BCAR3: variants seen among roughly 807,000 people sequenced by gnomAD.
The protein encoded by BCAR3 is BCAR3 adaptor protein, NSP family member, also known as breast cancer anti-estrogen resistance protein 3.
In BCAR3, 37 loss-of-function variants were observed where a neutral mutation model predicts 80.1. The ratio of observed to expected loss-of-function variants is 0.46; its 90% confidence interval spans 0.36 to 0.61. BCAR3 has a LOEUF of 0.61. Ranked by LOEUF, BCAR3 falls within the 20% of genes least tolerant of loss-of-function variation. The pLI is 0.00. For missense variants in BCAR3, 978 were observed against 1,068.2 expected (o/e 0.92, Z 1.18); for synonymous variants, 389 against 418.9 (o/e 0.93, Z 0.87).
chr1:93,724,748 C>T (rs114074432), intron 2 of BCAR3, among the ~76,000 whole-genome samples: 2,210 of 152,258 alleles, frequency 0.015, 27 homozygotes, highest in South Asian at 0.05. Context: ...GAGAAGATGG[C>T]GGGAAGCCGA....
chr1:93,566,148 G>A (rs1672942416), intron 11 of BCAR3, among the ~76,000 whole-genome samples: 1 of 152,138 alleles, frequency 6.6e-6, no homozygotes. Context: ...CTGTAGCCTA[G>A]TTGGCCATTC....
intron 3 of BCAR3, among the ~76,000 whole-genome samples, chr1:93,619,977 A>C (rs1257427357): frequency 1.3e-5 from 2 of 152,238 alleles, no homozygotes; most frequent in African/African-American, 4.8e-5. Flanking sequence ...AGTTATTGTA[A>C]GCATCAAGTG....
intron 11 of BCAR3, among the ~76,000 whole-genome samples, chr1:93,565,615 A>G (rs17110076): frequency 0.029 from 4,347 of 152,324 alleles, 84 homozygotes; most frequent in African/African-American, 0.051. Context: ...CTTATGCAAC[A>G]TCCATGGTAA....
intron 2 of BCAR3, among the ~76,000 whole-genome samples, chr1:93,746,919 A>G (rs1651377283): frequency 6.6e-6 from 1 of 150,610 alleles, no homozygotes; most frequent in South Asian, 2.1e-4. Flanking sequence ...CAACACTCCT[A>G]CTCTTCTCAA....
intron 2 of BCAR3, among the ~76,000 whole-genome samples, chr1:93,838,484 C>G (rs946895320): frequency 3.3e-5 from 5 of 152,202 alleles, no homozygotes; most frequent in Admixed American, 6.5e-5. Flanking sequence ...CCCACTAGGT[C>G]TGACCTCCAA....
At chr1:93,620,282 A>C (rs1675269027) in intron 3 of BCAR3, among the ~76,000 whole-genome samples, 1 of 152,212 alleles carries the variant, frequency 6.6e-6, no homozygotes, top group African/African-American at 2.4e-5. Flanking sequence ...TATGTTACTC[A>C]TTAAATTCTA....
At chr1:93,770,147 A>G (rs868310049) in intron 2 of BCAR3, among the ~76,000 whole-genome samples, 3 of 152,196 alleles carry the variant, frequency 2.0e-5, no homozygotes, top group Non-Finnish European at 2.9e-5. Flanking sequence ...CCCAGGCTCC[A>G]CTGGAGATCA....
intron 11 of BCAR3, among the ~76,000 whole-genome samples, chr1:93,565,226 C>T (rs536132048): frequency 3.9e-5 from 6 of 152,178 alleles, no homozygotes; most frequent in Non-Finnish European, 5.9e-5. Context: ...CAAAATTCCC[C>T]GGCTAATTTT....
At chr1:93,593,360 A>G (rs544359279) in intron 3 of BCAR3, among the ~76,000 whole-genome samples, 2 of 152,048 alleles carry the variant, frequency 1.3e-5, no homozygotes, top group South Asian at 2.1e-4. Flanking sequence ...AAAAATGTTT[A>G]TTTATTTTAT....
At chr1:93,781,880 T>C (rs1652773255) in intron 2 of BCAR3, among the ~76,000 whole-genome samples, 1 of 152,214 alleles carries the variant, frequency 6.6e-6, no homozygotes, top group African/African-American at 2.4e-5. Context: ...GAATCATATC[T>C]CTTCAACTTT....
intron 2 of BCAR3, among the ~76,000 whole-genome samples, chr1:93,780,255 C>T (rs1489396992): frequency 6.6e-6 from 1 of 152,192 alleles, no homozygotes; most frequent in Non-Finnish European, 1.5e-5. Flanking sequence ...CTCCTTTGTA[C>T]AAATGATCTT....
chr1:93,760,780 C>G (rs139868232), intron 2 of BCAR3, among the ~76,000 whole-genome samples: 232 of 152,298 alleles, frequency 1.5e-3, no homozygotes, highest in African/African-American at 5.2e-3. Context: ...CCCATGACCT[C>G]TGGTAGAAAG....
chr1:93,826,141 TC>T (rs763213934), intron 2 of BCAR3, among the ~76,000 whole-genome samples: 6 of 151,840 alleles, frequency 4.0e-5, no homozygotes, highest in Non-Finnish European at 5.9e-5. Context: ...GACTCCAGAG[TC>T]GGGGATTCTG....
Position 93,790,362 on chromosome 1 carries a change from T to C in BCAR3, c.-63+55205A>G, listed in dbSNP as rs374593438. Among the ~76,000 whole-genome samples the C allele has an allele frequency of 5.9e-5, 9 of 152,302 alleles. No individual in the cohort carries two copies. The East Asian group carries it at 9.7e-4, about 16-fold the overall frequency. Reference sequence around the variant, plus strand: ...TTTTTTATATATGTGAGTTGATTTATCCAGAACTGTAATTAACTGATGATT... The same window carrying C: ...TTTTTTATATATGTGAGTTGATTTACCCAGAACTGTAATTAACTGATGATT... On this transcript the variant is annotated intron_variant, in intron 2 of 13. Coordinates refer to the BCAR3 transcript ENST00000370244.
intron 2 of BCAR3, among the ~76,000 whole-genome samples, chr1:93,789,957 C>G (rs1236902339): frequency 6.6e-6 from 1 of 152,124 alleles, no homozygotes; most frequent in Admixed American, 6.5e-5. Context: ...AGCCTTGGGA[C>G]TTTAGGGCTA....
chr1:93,777,797 C>A (rs151197726), intron 2 of BCAR3, among the ~76,000 whole-genome samples: 236 of 152,260 alleles, frequency 1.5e-3, no homozygotes, highest in African/African-American at 5.3e-3. Flanking sequence ...TATTTGGTTA[C>A]CCTGAGGTTC....
chr1:93,593,098 C>G (rs1021994263), intron 3 of BCAR3, among the ~76,000 whole-genome samples: 2 of 151,998 alleles, frequency 1.3e-5, no homozygotes, highest in Non-Finnish European at 2.9e-5. Context: ...TGCACAGTGG[C>G]CATGGCAGTG....
intron 3 of BCAR3, among the ~76,000 whole-genome samples, chr1:93,640,719 C>T (rs948555255): frequency 2.0e-5 from 3 of 152,224 alleles, no homozygotes; most frequent in Non-Finnish European, 2.9e-5. Flanking sequence ...AATACCTAAA[C>T]AGGCCATTCC....
At chr1:93,640,541 G>T (rs1675946218) in intron 3 of BCAR3, among the ~76,000 whole-genome samples, 1 of 152,182 alleles carries the variant, frequency 6.6e-6, no homozygotes, top group Non-Finnish European at 1.5e-5. Context: ...TCTTGAAAAG[G>T]AGAACCCTCT....
Sources: gnomAD v4.1 joint callset for allele counts (sites outside exome capture counted in the v4.1 genomes callset) on GRCh38, gnomAD v4.1.1 for gene constraint, MANE v1.5 for transcripts, NCBI Gene and HGNC (gene_info 2026-07-23, HGNC 2026-07-21) for gene names.